Variants in SEZ6 observed in about 807,000 individuals in gnomAD.
SEZ6 encodes the protein seizure related 6 homolog.
A neutral mutation model predicts 101.0 loss-of-function variants in SEZ6; 53 were observed. The observed-to-expected ratio is 0.52, with a 90% confidence interval of 0.42 to 0.66. The LOEUF (loss-of-function observed/expected upper bound fraction) is 0.66, where lower values mean the gene tolerates loss of function less well. SEZ6 is among the 30% of genes least tolerant of loss of function. The pLI, the probability that SEZ6 is intolerant of heterozygous loss-of-function variation, is 0.00. For missense variants in SEZ6, 1,102 were observed against 1,289.4 expected (o/e 0.85, Z 2.23); for synonymous variants, 488 against 512.2 (o/e 0.95, Z 0.64).
chr17:28,957,808 A>C (rs959830374), intron 11 of SEZ6, 139 bp downstream of exon 11: 34 of 1,028,590 alleles, frequency 3.3e-5, no homozygotes, highest in Non-Finnish European at 4.2e-5. Context: ...CCCATTTCAC[A>C]GATGAGGAAA....
chr17:28,978,339 T>A (rs1042519371), intron 3 of SEZ6, among the ~76,000 whole-genome samples: 18 of 152,198 alleles, frequency 1.2e-4, no homozygotes, highest in Admixed American at 5.9e-4. Flanking sequence ...GCGCATGGAG[T>A]ACCCATTCTG....
intron 1 of SEZ6, among the ~76,000 whole-genome samples, chr17:28,985,675 G>T (rs542726911): frequency 1.3e-5 from 2 of 152,350 alleles, no homozygotes; most frequent in South Asian, 4.1e-4. Flanking sequence ...GGGTAGGAAG[G>T]GGTGGCCCCT....
In SEZ6 at chr17:28,988,377, A is replaced by G. The variant is rs866371680; in HGVS notation, c.56-6338T>C. ...CCCATTTCTCTACCTGGTGCTAGGC[A>G]TAGTGAAGGCTGGGCTCAGGGCACA... On this transcript the variant is annotated intron_variant, in intron 1 of 16. Transcript: ENST00000317338. Among the ~76,000 whole-genome samples the G allele has an allele frequency of 9.2e-5, 14 of 152,298 alleles. 1 individual carries two copies. Among genetic ancestry groups the G allele is most frequent in the Middle Eastern group, 3.4e-3 (1 of 294 alleles).
At chr17:28,995,498 C>A (rs755051122) in intron 1 of SEZ6, among the ~76,000 whole-genome samples, 2 of 152,066 alleles carry the variant, frequency 1.3e-5, no homozygotes, top group Non-Finnish European at 2.9e-5. Context: ...GTCTCCATCC[C>A]GCAGGTGGAG....
At chr17:28,971,463 C>T (rs1161462839) in intron 3 of SEZ6, among the ~76,000 whole-genome samples, 1 of 151,954 alleles carries the variant, frequency 6.6e-6, no homozygotes, top group Non-Finnish European at 1.5e-5. Context: ...CGTGGTGGCA[C>T]ATGCCTGTAA....
chr17:28,980,900 A>T lies in SEZ6; in HGVS notation c.724+471T>A, dbSNP rs1794649765. Reference sequence around the variant, plus strand: ...TCATGTTATAGTTGGAAGAATCAAGATTTTTTCTTTTTTGAGACAGAGTCT... The same window carrying T: ...TCATGTTATAGTTGGAAGAATCAAGTTTTTTTCTTTTTTGAGACAGAGTCT... On this transcript the variant is annotated intron_variant, in intron 2 of 16. Transcript: ENST00000317338. Among the ~76,000 whole-genome samples the T allele has an allele frequency of 2.6e-5, 4 of 151,162 alleles. No individual in the cohort carries two copies. In the South Asian group the frequency reaches 8.4e-4, roughly 32 times the overall value.
chr17:28,958,172 C>T (rs2040915093), intron 10 of SEZ6, 31 bp from the exon 11 acceptor site: 1 of 1,562,446 alleles, frequency 6.4e-7, no homozygotes, highest in South Asian at 1.2e-5. Flanking sequence ...GATGCAGGCC[C>T]TCGGCCAGCA....
At position 28,959,710 on chromosome 17, in the gene SEZ6, G is replaced by A. The variant is rs2040945596; in HGVS notation, c.1759C>T (p.Pro587Ser). ...GGTGTCTACTGACCTCGGCAGGCTG[G>A]CTCTGTCTCATTCCACTGGGGGTCG... ...PHDPQWNETE[P>S]ACRAVCSGEI... is the part of the protein sequence containing the mutation. The change falls in exon 8 of 17, where the codon CCA (proline) becomes TCA (serine). Residue 587 changes from proline to serine, a missense_variant. Pro to Ser is a moderately conservative substitution (Grantham distance 74, BLOSUM62 -1). Transcript: ENST00000317338. The surrounding 1 kb of genome is among the most constrained non-coding windows in gnomAD (Gnocchi z 4.4). The A allele has an allele frequency of 3.1e-6, 5 of 1,596,322 alleles. No individual in the cohort carries two copies. The highest frequency in any genetic ancestry group is 3.4e-6 in the Non-Finnish European group (4 of 1,170,182).
intron 1 of SEZ6, among the ~76,000 whole-genome samples, chr17:28,993,110 G>A (rs1230652033): frequency 1.3e-5 from 2 of 151,996 alleles, no homozygotes; most frequent in Non-Finnish European, 2.9e-5. Flanking sequence ...TGGAAGGAAT[G>A]GTCTTCTTGG....
At chr17:28,982,240 C>A (rs570502461) in intron 1 of SEZ6, among the ~76,000 whole-genome samples, 5 of 152,176 alleles carry the variant, frequency 3.3e-5, no homozygotes, top group Non-Finnish European at 7.3e-5. Context: ...ACATGAGATA[C>A]TCTTTCTCCT....
At chr17:28,968,443 T>C (rs969769167) in intron 4 of SEZ6, among the ~76,000 whole-genome samples, 1 of 152,216 alleles carries the variant, frequency 6.6e-6, no homozygotes, top group Admixed American at 6.5e-5. Context: ...TCCGGAGTTT[T>C]GTGCAAAGGA....
At chr17:28,999,848 C>T (rs1028954111) in intron 1 of SEZ6, among the ~76,000 whole-genome samples, 7 of 152,192 alleles carry the variant, frequency 4.6e-5, no homozygotes, top group African/African-American at 1.7e-4. Flanking sequence ...TGGCCCAAGA[C>T]TTCAGGGACC....
chr17:28,976,304 G>C (rs886223380), intron 3 of SEZ6, among the ~76,000 whole-genome samples: 7 of 152,214 alleles, frequency 4.6e-5, no homozygotes, highest in African/African-American at 1.7e-4. Context: ...CAAAAAAAGG[G>C]AATTGAGAGG....
chr17:28,981,370 C>T lies in SEZ6; in HGVS notation c.724+1G>A. The T allele has an allele frequency of 6.5e-7, 1 of 1,541,684 alleles. No individual in the cohort carries two copies. Among genetic ancestry groups the T allele is most frequent in the Non-Finnish European group, 8.8e-7 (1 of 1,139,916 alleles). On this transcript the variant is annotated splice_donor_variant, in intron 2 of 16. Coordinates refer to ENST00000317338, the MANE Select transcript of SEZ6 (RefSeq NM_178860.5). LOFTEE classifies it high-confidence loss of function. Reference sequence around the variant, plus strand: ...CATCTGCAAGCCAGCAGGTAGCTGACCTGGTGTCTGGACTGTGGTGATGGT... The same window carrying T: ...CATCTGCAAGCCAGCAGGTAGCTGATCTGGTGTCTGGACTGTGGTGATGGT...
In SEZ6 at chr17:28,959,232, G is replaced by A. The variant is rs1474187885; in HGVS notation, c.1911-11C>T. On this transcript the variant is annotated splice_polypyrimidine_tract_variant and intron_variant, in intron 9 of 16. Coordinates refer to ENST00000317338, the MANE Select transcript of SEZ6 (RefSeq NM_178860.5). This position sits in a 1 kb window ranked among gnomAD's most constrained non-coding sequence, Gnocchi z 4.4. ...GGGCCTATGCGCAGCCTGTGAAGGAGGAGCGTCAGGGCAGAGCCGGCCTGG... is the reference window on the plus strand; with the variant it reads ...GGGCCTATGCGCAGCCTGTGAAGGAAGAGCGTCAGGGCAGAGCCGGCCTGG... The A allele has an allele frequency of 1.9e-6, 3 of 1,612,188 alleles. No homozygotes were observed. The highest frequency in any genetic ancestry group is 1.7e-4 in the Middle Eastern group (1 of 6,054).
chr17:28,984,014 A>G (rs2041345246), intron 1 of SEZ6, among the ~76,000 whole-genome samples: 1 of 152,240 alleles, frequency 6.6e-6, no homozygotes, highest in African/African-American at 2.4e-5. Context: ...CTTCTGGGTC[A>G]GAGGAGCTTG....
At position 28,959,437 on chromosome 17, in the gene SEZ6, C is replaced by T. The variant is rs370021808; in HGVS notation, c.1807G>A (p.Val603Met). 8.1e-6 allele frequency: 13 copies of T among 1,613,586 alleles called. No individual in the cohort carries two copies. The highest frequency in any genetic ancestry group is 2.2e-5 in the South Asian group (2 of 91,092). Reference protein sequence around the residue: ...CSGEITDSAGVVLSPNWPEPY... With the variant: ...CSGEITDSAGMVLSPNWPEPY... ...TCTGGCCAGTTGGGAGAGAGTACCA[C>T]GCCAGCCGAGTCTGTGATCTCCCCG... is the stretch of plus-strand genomic sequence containing the variant. The change falls in exon 9 of 17, where the codon GTG (valine) becomes ATG (methionine). Residue 603 changes from valine (V) to methionine (M), a missense_variant. By Grantham distance (21) the Val-to-Met change is conservative. Coordinates refer to ENST00000317338, the MANE Select transcript of SEZ6 (RefSeq NM_178860.5). The surrounding 1 kb of genome is among the most constrained non-coding windows in gnomAD (Gnocchi z 4.4).
chr17:28,963,212 T>C (rs2152684683), intron 5 of SEZ6, among the ~76,000 whole-genome samples: 1 of 152,186 alleles, frequency 6.6e-6, no homozygotes, highest in Non-Finnish European at 1.5e-5. Context: ...CCCCTTTTCA[T>C]TGGCAGCAAT....
In SEZ6 at chr17:28,958,608, G is replaced by T. The variant is rs371887463; in HGVS notation, c.2107+417C>A. Among the ~76,000 whole-genome samples the T allele has an allele frequency of 2.4e-3, 370 of 152,168 alleles. 1 individual carries two copies. The highest frequency in any genetic ancestry group is 8.2e-3 in the African/African-American group (340 of 41,532). ...AGTTCGAGACCAGCCAGGCCAACAT[G>T]GCAAAATCCGGTCTCCACTAAAAAT... On this transcript the variant is annotated intron_variant, in intron 10 of 16. Coordinates refer to ENST00000317338, the MANE Select transcript of SEZ6 (RefSeq NM_178860.5).
Sources: allele counts gnomAD v4.1 joint callset (sites outside exome capture counted in the v4.1 genomes callset), GRCh38; gene constraint gnomAD v4.1.1; non-coding constraint Gnocchi (gnomAD v3.1); transcripts MANE v1.5; gene names NCBI Gene and HGNC (gene_info 2026-07-23, HGNC 2026-07-21).